Variants in CACNA1B observed in about 807,000 individuals in gnomAD.
CACNA1B encodes the protein voltage-dependent N-type calcium channel subunit alpha-1B.
CACNA1B carries 70 observed loss-of-function variants against 247.2 expected under a neutral mutation model. That is an observed-to-expected ratio of 0.28 (90% CI 0.23 to 0.35). The LOEUF is 0.35. Ranked by LOEUF, CACNA1B falls within the 10% of genes least tolerant of loss-of-function variation. CACNA1B has a pLI of 1.00. For missense variants in CACNA1B, 2,367 were observed against 3,197.4 expected, an observed-to-expected ratio of 0.74 and a Z score of 6.26; for synonymous variants, 1,231 against 1,294.4, an observed-to-expected ratio of 0.95 and a Z score of 1.05.
At chr9:138,024,865 C>T in intron 19 of CACNA1B, 90 bp from the exon 20 acceptor site, 1 of 892,904 alleles carries the variant, frequency 1.1e-6, no homozygotes, top group Non-Finnish European at 1.8e-6. Flanking sequence ...AACTCCTGGG[C>T]TCAAGTGATC....
chr9:138,068,951 G>C (rs545668758), intron 31 of CACNA1B, among the ~76,000 whole-genome samples: 1 of 152,188 alleles, frequency 6.6e-6, no homozygotes, highest in South Asian at 2.1e-4. Flanking sequence ...AGTCGAGGCC[G>C]GGCTGTTTGT....
At chr9:138,078,610 A>AG (rs1960409216) in intron 36 of CACNA1B, among the ~76,000 whole-genome samples, 1 of 152,076 alleles carries the variant, frequency 6.6e-6, no homozygotes, top group Admixed American at 6.5e-5. Context: ...CTGGGTGGGG[A>AG]GGTCGGCAGG....
intron 3 of CACNA1B, among the ~76,000 whole-genome samples, chr9:137,912,439 G>A (rs937594230): frequency 1.3e-5 from 2 of 152,196 alleles, no homozygotes; most frequent in Non-Finnish European, 2.9e-5. Flanking sequence ...TCAGTGGAGA[G>A]GTGGGTGAGA....
In CACNA1B at chr9:138,050,247, A is replaced by G. The variant is rs1959230135; in HGVS notation, c.3710+932A>G. Among the ~76,000 whole-genome samples, 1 of 152,134 alleles carries G rather than the reference A, an allele frequency of 6.6e-6. No individual in the cohort carries two copies. The highest frequency in any genetic ancestry group is 1.9e-4 in the East Asian group (1 of 5,168). On this transcript the variant is annotated intron_variant, in intron 24 of 46. Coordinates refer to ENST00000371372, the MANE Select transcript of CACNA1B (RefSeq NM_000718.4). This position sits in a 1 kb window ranked among gnomAD's most constrained non-coding sequence, Gnocchi z 5.2. ...AAGTCCCCGGCCAGGGGTTCCTGCC[A>G]TGCCTCTGGGAGCGGGGCGGGGAGC...
intron 20 of CACNA1B, among the ~76,000 whole-genome samples, chr9:138,040,966 G>A (rs992965802): frequency 1.3e-5 from 2 of 152,144 alleles, no homozygotes; most frequent in African/African-American, 4.8e-5. Context: ...TTTTCTCAAG[G>A]ATGGAACATA....
chr9:138,029,391 C>T (rs972170351), intron 20 of CACNA1B, among the ~76,000 whole-genome samples: 1 of 151,940 alleles, frequency 6.6e-6, no homozygotes, highest in Non-Finnish European at 1.5e-5. Context: ...TTTGTAATAC[C>T]CCTTTTTTTG....
chr9:138,097,413 A>G (rs1412472726), intron 37 of CACNA1B, among the ~76,000 whole-genome samples: 3 of 152,138 alleles, frequency 2.0e-5, no homozygotes, highest in African/African-American at 7.2e-5. Context: ...GAAGGAAGAC[A>G]GGTCAGGCAG....
chr9:137,932,396 G>A lies in CACNA1B; in HGVS notation c.966+14965G>A, dbSNP rs531759588. Among the ~76,000 whole-genome samples, 18 of 152,304 alleles carry A rather than the reference G, an allele frequency of 1.2e-4. 1 individual carries two copies. In the South Asian group the frequency reaches 3.3e-3, roughly 28 times the overall value. On this transcript the variant is annotated intron_variant, in intron 6 of 46. Transcript: ENST00000371372. ...CAAGTTACAGGTTCCAGTCCAGTTG[G>A]CTGGTAAATCTAAGTAGGAACTGGT...
intron 36 of CACNA1B, among the ~76,000 whole-genome samples, chr9:138,083,753 C>A (rs1423523024): frequency 6.6e-6 from 1 of 150,488 alleles, no homozygotes; most frequent in Non-Finnish European, 1.5e-5. Flanking sequence ...CCCCTGGAGT[C>A]TGAGCTGCTG....
intron 15 of CACNA1B, among the ~76,000 whole-genome samples, chr9:138,000,375 G>C (rs1303633546): frequency 6.6e-6 from 1 of 152,216 alleles, no homozygotes; most frequent in East Asian, 1.9e-4. Flanking sequence ...TGGGATTACA[G>C]ACATGAGCCA....
intron 10 of CACNA1B, among the ~76,000 whole-genome samples, chr9:137,960,163 C>T (rs1335623689): frequency 1.2e-4 from 6 of 50,906 alleles, no homozygotes; most frequent in Admixed American, 5.9e-4. Flanking sequence ...GCCTGAGGAA[C>T]GTGTGTGGCG....
At chr9:137,927,465 C>T (rs900290160) in intron 6 of CACNA1B, among the ~76,000 whole-genome samples, 5 of 152,236 alleles carry the variant, frequency 3.3e-5, no homozygotes, top group Admixed American at 1.3e-4. Flanking sequence ...TCAGGTGATC[C>T]GCCCACCTCG....
In CACNA1B at chr9:138,121,334, C is replaced by T. The variant is rs1413158100; in HGVS notation, c.6490-135C>T. On this transcript the variant is annotated intron_variant, in intron 46 of 46. Transcript: ENST00000371372. This position sits in a 1 kb window ranked among gnomAD's most constrained non-coding sequence, Gnocchi z 6.8. ...GTGCCTGTTGCCTCCCTGGTCACCGCAGCCCGTTGTCCCCCATTGCCTCCC... is the reference window on the plus strand; with the variant it reads ...GTGCCTGTTGCCTCCCTGGTCACCGTAGCCCGTTGTCCCCCATTGCCTCCC... 3 of 656,002 alleles carry T rather than the reference C, an allele frequency of 4.6e-6. No individual in the cohort carries two copies. Among genetic ancestry groups the T allele is most frequent in the Non-Finnish European group, 7.5e-6 (3 of 399,332 alleles). 40.6% of individuals were successfully genotyped at this position (656,002 alleles called of 1,614,324 possible). A position where few individuals can be genotyped will look rare whatever the true frequency, so the allele number is the denominator to read the frequency against.
Position 137,879,079 on chromosome 9 carries a change from A to G in CACNA1B, c.310A>G (p.Thr104Ala). The change falls in exon 2 of 47, where the codon ACC (threonine) becomes GCC (alanine). Residue 104 changes from threonine to alanine, a missense_variant. Around this residue, in one of 12 missense-constraint regions of CACNA1B, gnomAD observed 130 missense variants for 338.7 expected, o/e 0.38. Coordinates refer to ENST00000371372, the MANE Select transcript of CACNA1B (RefSeq NM_000718.4). ...TCCATTCGAGTATATGATCCTGGCC[A>G]CCATCATCGCCAACTGCATCGTGCT... Reference protein sequence around the residue: ...WPPFEYMILATIIANCIVLAL... With the variant: ...WPPFEYMILAAIIANCIVLAL... 1 of 1,612,256 alleles carries G rather than the reference A, an allele frequency of 6.2e-7. No individual in the cohort carries two copies. Among genetic ancestry groups the G allele is most frequent in the Non-Finnish European group, 8.5e-7 (1 of 1,179,050 alleles).
intron 5 of CACNA1B, among the ~76,000 whole-genome samples, chr9:137,916,030 A>ATTTTT (rs571447142): frequency 2.3e-5 from 3 of 129,560 alleles, no homozygotes; most frequent in Non-Finnish European, 4.9e-5. Context: ...TTGTTATACA[A>ATTTTT]TTTTTTTTTT....
intron 36 of CACNA1B, among the ~76,000 whole-genome samples, chr9:138,093,127 A>G (rs1213678393): frequency 6.6e-6 from 1 of 152,162 alleles, no homozygotes; most frequent in Non-Finnish European, 1.5e-5. Flanking sequence ...ATAGAAAAAG[A>G]AAAGAGAATA....
Position 138,122,181 on chromosome 9 carries a change from G to C in CACNA1B, c.*182G>C. On this transcript the variant is annotated 3_prime_UTR_variant, in exon 47 of 47. Coordinates refer to ENST00000371372, the MANE Select transcript of CACNA1B (RefSeq NM_000718.4). ...CTAGACGACGAATAAAGCCCTGTTA[G>C]AGGATGCGGCTCTCTCTGTCCCCTT... 1.6e-6 allele frequency: 1 copy of C among 608,536 alleles called. No individual in the cohort carries two copies. The highest frequency in any genetic ancestry group is 2.8e-5 in the East Asian group (1 of 36,282). 37.7% of individuals were successfully genotyped at this position (608,536 alleles called of 1,614,324 possible).
intron 6 of CACNA1B, among the ~76,000 whole-genome samples, chr9:137,949,149 A>ACGTCTGGCATATGTGGTG (rs1957842033): frequency 4.5e-3 from 1 of 220 alleles, no homozygotes; most frequent in African/African-American, 0.016. Context: ...GTATCTGTGC[A>ACGTCTGGCATATGTGGTG]TGTGTGTGGT....
intron 3 of CACNA1B, among the ~76,000 whole-genome samples, chr9:137,896,844 C>T (rs1225105934): frequency 3.9e-5 from 6 of 152,134 alleles, no homozygotes; most frequent in Admixed American, 1.3e-4. Context: ...TTGGGTCCGT[C>T]GTGTGAGTTT....
Sources: gnomAD v4.1 joint callset for allele counts (sites outside exome capture counted in the v4.1 genomes callset) on GRCh38, gnomAD v4.1.1 for gene constraint, gnomAD v4.1.1 regional missense constraint, Gnocchi (gnomAD v3.1) non-coding constraint, MANE v1.5 for transcripts, NCBI Gene and HGNC (gene_info 2026-07-23, HGNC 2026-07-21) for gene names.